ADAM12: variants seen among roughly 807,000 people sequenced by gnomAD.
ADAM12 encodes disintegrin and metalloproteinase domain-containing protein 12.
ADAM12 carries 70 observed loss-of-function variants against 106.4 expected under a neutral mutation model. The observed-to-expected ratio is 0.66, with a 90% confidence interval of 0.54 to 0.80. ADAM12 has a LOEUF of 0.80. Among genes scored for constraint, ADAM12 ranks in the 30% least tolerant of loss-of-function variants. The probability of loss-of-function intolerance (pLI) is 0.00; values close to 1 mark genes in which losing one functional copy is unlikely to be tolerated. For missense variants in ADAM12, 1,010 were observed against 1,171.9 expected (o/e 0.86, Z 2.02); for synonymous variants, 420 against 433.5 (o/e 0.97, Z 0.39).
intron 11 of ADAM12, among the ~76,000 whole-genome samples, chr10:126,091,374 G>A (rs546749634): frequency 6.2e-4 from 94 of 152,280 alleles, no homozygotes; most frequent in African/African-American, 2.0e-3. Flanking sequence ...TGACTGAGCC[G>A]CTCGACCTCC....
chr10:126,209,928 A>T (rs1957868369), intron 3 of ADAM12, among the ~76,000 whole-genome samples: 1 of 152,232 alleles, frequency 6.6e-6, no homozygotes, highest in Non-Finnish European at 1.5e-5. Flanking sequence ...TTCACTGGGA[A>T]CAGGCGACTG....
intron 3 of ADAM12, among the ~76,000 whole-genome samples, chr10:126,166,568 C>T (rs983988100): frequency 3.3e-5 from 5 of 152,170 alleles, no homozygotes; most frequent in African/African-American, 9.6e-5. Context: ...CGCGAGATCT[C>T]GGCTCACTGC....
chr10:126,318,167 C>G (rs1423506960), intron 2 of ADAM12, among the ~76,000 whole-genome samples: 2 of 152,076 alleles, frequency 1.3e-5, no homozygotes, highest in African/African-American at 4.8e-5. Flanking sequence ...CCCAGTGCAG[C>G]TTGCAGTGCC....
chr10:126,373,390 C>A (rs1446488528), intron 1 of ADAM12, among the ~76,000 whole-genome samples: 1 of 152,204 alleles, frequency 6.6e-6, no homozygotes, highest in Admixed American at 6.5e-5. Flanking sequence ...ATTAGCACAT[C>A]TCACCCCTGC....
At chr10:126,119,674 T>G (rs1290633635) in intron 5 of ADAM12, among the ~76,000 whole-genome samples, 2 of 152,234 alleles carry the variant, frequency 1.3e-5, no homozygotes, top group African/African-American at 4.8e-5. Flanking sequence ...TTTTTAAAAA[T>G]GGACAAATTT....
intron 2 of ADAM12, among the ~76,000 whole-genome samples, chr10:126,311,088 CACAAAT>C (rs1443323461): frequency 9.3e-6 from 1 of 107,220 alleles, no homozygotes; most frequent in Non-Finnish European, 1.8e-5. Flanking sequence ...TATACATACA[CACAAAT>C]ACACACACAC....
At chr10:126,034,913 T>C (rs979441814) in intron 21 of ADAM12, among the ~76,000 whole-genome samples, 1 of 152,058 alleles carries the variant, frequency 6.6e-6, no homozygotes, top group Non-Finnish European at 1.5e-5. Context: ...AACAGAGACA[T>C]GACATAATGA....
At chr10:126,074,884 G>A (rs1236359023) in intron 11 of ADAM12, among the ~76,000 whole-genome samples, 2 of 152,170 alleles carry the variant, frequency 1.3e-5, no homozygotes, top group Non-Finnish European at 2.9e-5. Context: ...CATGGCCTGA[G>A]CTCACCAGCA....
chr10:126,128,491 A>C (rs117422848), intron 5 of ADAM12, among the ~76,000 whole-genome samples: 3 of 152,252 alleles, frequency 2.0e-5, no homozygotes, highest in Admixed American at 2.0e-4. Context: ...GACCTACTGC[A>C]ACTATCATCA....
At chr10:126,082,363 G>GTTTTTTTTTTTTGT (rs1955237764) in intron 11 of ADAM12, among the ~76,000 whole-genome samples, 1 of 80,772 alleles carries the variant, frequency 1.2e-5, no homozygotes, top group African/African-American at 5.3e-5. Context: ...TCTAATGACT[G>GTTTTTTTTTTTTGT]TTTTTTTTTT....
rs200972502 is a variant in ADAM12, at chr10:126,329,947, T to C, written c.186+465A>G. 4.6e-5 allele frequency among the ~76,000 whole-genome samples: 7 copies of C among 152,252 alleles called. No homozygotes were observed. In the East Asian group the frequency reaches 1.2e-3, roughly 25 times the overall value. ...CACTATTATTTCAATTATTTTATAT[T>C]ATTCTTTTACATCATAAAAGGCTCA... On this transcript the variant is annotated intron_variant, in intron 2 of 22. Transcript: ENST00000448723.
rs1554981934 is a variant in ADAM12 at position 126,177,060 on chromosome 10, A to ACACACG, written c.261-21756_261-21755insCGTGTG. 5.3e-4 allele frequency among the ~76,000 whole-genome samples: 79 copies of ACACACG among 150,186 alleles called. No homozygotes were observed. The East Asian group carries it at 9.0e-3, about 17-fold the overall frequency. On this transcript the variant is annotated intron_variant, in intron 3 of 22. Coordinates refer to ENST00000448723, the MANE Select transcript of ADAM12 (RefSeq NM_001288973.2). ...CACATGTGCACACACACACACACGCACACACACACGGTTTCCTGGTCATAA... is the reference window on the plus strand; with the variant it reads ...CACATGTGCACACACACACACACGCACACACGCACACACACGGTTTCCTGGTCATAA...
intron 1 of ADAM12, among the ~76,000 whole-genome samples, chr10:126,335,780 T>C (rs1286313180): frequency 6.6e-6 from 1 of 152,164 alleles, no homozygotes; most frequent in Non-Finnish European, 1.5e-5. Flanking sequence ...AGCCAGATGG[T>C]CAAGGTCAAC....
chr10:126,369,933 A>G (rs1183610096), intron 1 of ADAM12, among the ~76,000 whole-genome samples: 1 of 152,186 alleles, frequency 6.6e-6, no homozygotes, highest in Non-Finnish European at 1.5e-5. Context: ...ATTGGATTAT[A>G]CAACTTGTGA....
chr10:126,261,622 C>CA (rs1161367520), intron 3 of ADAM12, among the ~76,000 whole-genome samples: 4 of 151,972 alleles, frequency 2.6e-5, no homozygotes, highest in Non-Finnish European at 5.9e-5. Flanking sequence ...TCTCAAACCC[C>CA]AATACACTAT....
chr10:126,067,347 T>C (rs1221717573), intron 12 of ADAM12, among the ~76,000 whole-genome samples: 2 of 152,238 alleles, frequency 1.3e-5, no homozygotes, highest in African/African-American at 4.8e-5. Context: ...CCCGGGTAAG[T>C]TGTCTGGCCT....
intron 5 of ADAM12, among the ~76,000 whole-genome samples, chr10:126,125,479 G>A (rs533257165): frequency 2.0e-5 from 3 of 152,022 alleles, no homozygotes; most frequent in African/African-American, 4.8e-5. Context: ...TCCTGACCCC[G>A]TGATCCGCCA....
intron 21 of ADAM12, among the ~76,000 whole-genome samples, chr10:126,029,740 T>C (rs1196916814): frequency 1.3e-5 from 2 of 152,226 alleles, no homozygotes; most frequent in Non-Finnish European, 2.9e-5. Flanking sequence ...AAAAGGCAGT[T>C]CATGAAAAAG....
At chr10:126,252,239 G>A (rs1459346048) in intron 3 of ADAM12, among the ~76,000 whole-genome samples, 1 of 94,932 alleles carries the variant, frequency 1.1e-5, no homozygotes, top group Admixed American at 1.1e-4. Context: ...TAGATGGATG[G>A]ATTGGACTGA....
Sources: gnomAD v4.1 joint callset for allele counts (sites outside exome capture counted in the v4.1 genomes callset) on GRCh38, gnomAD v4.1.1 for gene constraint, MANE v1.5 for transcripts, NCBI Gene and HGNC (gene_info 2026-07-23, HGNC 2026-07-21) for gene names.